Variants in CCDC30 observed in about 807,000 individuals in gnomAD.
CCDC30 encodes coiled-coil domain containing 30, also known as coiled-coil domain-containing protein 30.
Under a neutral mutation model 100.2 loss-of-function variants are expected in CCDC30, and 70 were observed. That is an observed-to-expected ratio of 0.70 (90% CI 0.58 to 0.85). The LOEUF (loss-of-function observed/expected upper bound fraction) is 0.85, where lower values mean the gene tolerates loss of function less well. Among genes scored for constraint, CCDC30 ranks in the 40% least tolerant of loss-of-function variants. CCDC30 has a pLI of 0.00. For synonymous variants in CCDC30, 233 were observed against 269.5 expected (o/e 0.86, Z 1.33); for missense variants, 652 against 771.2 (o/e 0.85, Z 1.83).
intron 8 of CCDC30, among the ~76,000 whole-genome samples, chr1:42,578,743 G>A (rs1330692740): frequency 6.6e-6 from 1 of 152,146 alleles, no homozygotes; most frequent in Admixed American, 6.5e-5. Context: ...ATGCATGTAT[G>A]TATCAGGAAA....
intron 6 of CCDC30, 45 bp from the exon 10 acceptor site, chr1:42,556,111 T>C (rs1645363185): frequency 6.4e-7 from 1 of 1,562,156 alleles, no homozygotes; most frequent in Non-Finnish European, 8.7e-7. Context: ...ATTCTACTAC[T>C]ATAATAAGCA....
intron 11 of CCDC30, among the ~76,000 whole-genome samples, chr1:42,634,249 C>CAAA (rs754829759): frequency 1.4e-4 from 16 of 115,276 alleles, no homozygotes; most frequent in Middle Eastern, 4.2e-3. Flanking sequence ...AAGACTGTCT[C>CAAA]AAAAAAAAAA....
intron 6 of CCDC30, among the ~76,000 whole-genome samples, chr1:42,511,846 G>T (rs1342472536): frequency 6.6e-6 from 1 of 152,074 alleles, no homozygotes; most frequent in African/African-American, 2.4e-5. Context: ...TCTGAGACCA[G>T]CTTGGTCGTG....
chr1:42,471,993 A>G (rs930454192), intron 1 of CCDC30, among the ~76,000 whole-genome samples: 1 of 152,198 alleles, frequency 6.6e-6, no homozygotes, highest in Non-Finnish European at 1.5e-5. Flanking sequence ...GTTGTATTTG[A>G]TTAGAACAGC....
chr1:42,564,464 C>T (rs114498677), intron 6 of CCDC30, among the ~76,000 whole-genome samples: 19,498 of 151,806 alleles, frequency 0.13, 1,432 homozygotes, highest in East Asian at 0.17. Context: ...AGGTGCGCAC[C>T]ATCACACCCA....
At chr1:42,656,224 T>G (rs1273621047), downstream of CCDC30, among the ~76,000 whole-genome samples, 6 of 152,216 alleles carry the variant, frequency 3.9e-5, no homozygotes, top group Admixed American at 2.6e-4. Flanking sequence ...TTTGTGCATG[T>G]AGTTCTTTTC....
In CCDC30 at chr1:42,638,725, A is replaced by C. The variant is rs1570324497; in HGVS notation, c.1419+1347A>C. ...CCCATCTCTACTGAAAATACAAAAAAATTAGCCGAGCATGGTGGCACATGC... is the reference window on the plus strand; with the variant it reads ...CCCATCTCTACTGAAAATACAAAAACATTAGCCGAGCATGGTGGCACATGC... On this transcript the variant is annotated intron_variant, in intron 12 of 16. Coordinates refer to ENST00000668663, the Ensembl canonical transcript of CCDC30. 3.3e-5 allele frequency among the ~76,000 whole-genome samples: 5 copies of C among 152,180 alleles called. No homozygotes were observed. In the South Asian group the frequency reaches 1.0e-3, roughly 32 times the overall value.
At chr1:42,650,490 A>C (rs1028765209) in intron 15 of CCDC30, among the ~76,000 whole-genome samples, 2 of 130,010 alleles carry the variant, frequency 1.5e-5, no homozygotes, top group African/African-American at 5.8e-5. Flanking sequence ...TGTCTAAAAA[A>C]ATATATATGT....
At chr1:42,616,620 A>C (rs906735476) in intron 11 of CCDC30, among the ~76,000 whole-genome samples, 8 of 152,236 alleles carry the variant, frequency 5.3e-5, no homozygotes, top group Non-Finnish European at 1.0e-4. Flanking sequence ...CTTAAACACA[A>C]GCTAAAAGTT....
intron 6 of CCDC30, chr1:42,537,010 A>G (rs985730557): frequency 5.5e-6 from 2 of 361,082 alleles, no homozygotes; most frequent in African/African-American, 4.3e-5. Flanking sequence ...TACAGTCCAT[A>G]TTGGGAATTA....
At chr1:42,557,888 GAAGAC>G (rs67367315) in intron 6 of CCDC30, among the ~76,000 whole-genome samples, 36,756 of 151,502 alleles carry the variant, frequency 0.24, 4,831 homozygotes, top group South Asian at 0.42. Context: ...ATGAATAAAT[GAAGAC>G]TAAGAAAGGG....
intron 15 of CCDC30, 65 bp downstream of exon 19, chr1:42,646,382 T>TG: frequency 7.5e-7 from 1 of 1,331,294 alleles, no homozygotes; most frequent in South Asian, 2.4e-5. Context: ...ACCCACTGTT[T>TG]GGAAAATCTC....
intron 7 of CCDC30, among the ~76,000 whole-genome samples, chr1:42,574,903 G>T (rs894960922): frequency 3.9e-5 from 6 of 152,136 alleles, no homozygotes; most frequent in Admixed American, 3.9e-4. Context: ...ACTGTTGTTA[G>T]GTCTTTCCTA....
intron 15 of CCDC30, among the ~76,000 whole-genome samples, chr1:42,650,109 G>A (rs1648202104): frequency 6.6e-6 from 1 of 152,058 alleles, no homozygotes; most frequent in African/African-American, 2.4e-5. Context: ...AAATTCATGT[G>A]GAACTACAAA....
intron 1 of CCDC30, among the ~76,000 whole-genome samples, chr1:42,469,736 G>A (rs981377606): frequency 1.3e-5 from 2 of 152,116 alleles, no homozygotes; most frequent in Non-Finnish European, 2.9e-5. Context: ...ATGAAGGTTG[G>A]TATGTTGATG....
chr1:42,531,225 C>T (rs991749981), intron 6 of CCDC30, among the ~76,000 whole-genome samples: 1 of 152,120 alleles, frequency 6.6e-6, no homozygotes, highest in Non-Finnish European at 1.5e-5. Context: ...CCATGTAACA[C>T]GTGCCTCCTT....
At chr1:42,598,101 A>G (rs754146170) in intron 10 of CCDC30, among the ~76,000 whole-genome samples, 2 of 152,108 alleles carry the variant, frequency 1.3e-5, no homozygotes, top group Non-Finnish European at 2.9e-5. Flanking sequence ...CCAGGAGTTC[A>G]AGGCTGCAGG....
chr1:42,613,497 A>C (rs1365449310), intron 11 of CCDC30, among the ~76,000 whole-genome samples: 3 of 151,742 alleles, frequency 2.0e-5, no homozygotes, highest in Non-Finnish European at 4.4e-5. Flanking sequence ...GACGTGATCC[A>C]CCCGCCTCGG....
chr1:42,473,122 G>T, intron 1 of CCDC30: 2 of 1,227,726 alleles, frequency 1.6e-6, no homozygotes, highest in South Asian at 4.2e-5. Flanking sequence ...TTCTATCAAG[G>T]GAAAAGTTCA....
Sources: gnomAD v4.1 joint callset for allele counts (sites outside exome capture counted in the v4.1 genomes callset) on GRCh38, gnomAD v4.1.1 for gene constraint, MANE v1.5 for transcripts, NCBI Gene and HGNC (gene_info 2026-07-23, HGNC 2026-07-21) for gene names.